Variants in SRGAP3 observed in about 807,000 individuals in gnomAD.
The protein encoded by SRGAP3 is SLIT-ROBO Rho GTPase-activating protein 3.
Under a neutral mutation model 121.1 loss-of-function variants are expected in SRGAP3, and 39 were observed. The observed-to-expected ratio is 0.32, with a 90% CI of 0.25 to 0.42. The LOEUF (loss-of-function observed/expected upper bound fraction) is 0.42, where lower values mean the gene tolerates loss of function less well. Among genes scored for constraint, SRGAP3 ranks in the 10% least tolerant of loss-of-function variants. The pLI is 1.00. For missense variants in SRGAP3, 1,213 were observed against 1,470.6 expected (o/e 0.82, Z 2.86); for synonymous variants, 601 against 570.0 (o/e 1.05, Z -0.77).
chr3:9,317,633 A>G (rs1171999706), intron 3 of SRGAP3, among the ~76,000 whole-genome samples: 1 of 152,244 alleles, frequency 6.6e-6, no homozygotes, highest in Non-Finnish European at 1.5e-5. Flanking sequence ...AGAAACTGAG[A>G]GTGTAAGAAG....
Position 9,336,789 on chromosome 3 carries a change from C to A in SRGAP3, n.215-6193G>T, listed in dbSNP as rs1005494200. Among the ~76,000 whole-genome samples the A allele has an allele frequency of 5.1e-4, 77 of 152,190 alleles. 1 individual carries two copies. The highest frequency in any genetic ancestry group is 1.5e-3 in the African/African-American group (63 of 41,526). ...TTACTTTAAACAGCCTTGAAGAAGA[C>A]AACAGAGAGTATGTTAGAGTTCTCC... On this transcript the variant is annotated intron_variant and non_coding_transcript_variant, in intron 1 of 3. Transcript: ENST00000490889.
chr3:9,301,625 CTG>C (rs1451991366), intron 3 of SRGAP3, among the ~76,000 whole-genome samples: 7 of 152,124 alleles, frequency 4.6e-5, no homozygotes, highest in African/African-American at 1.7e-4. Context: ...CTTTGGGAGC[CTG>C]TGTTTGTTGA....
chr3:9,037,613 T>G, intron 11 of SRGAP3: 1 of 234,564 alleles, frequency 4.3e-6, no homozygotes, highest in Admixed American at 5.1e-5. Context: ...GCGCGCAATC[T>G]GAGCCTGGCC....
chr3:9,027,148 C>T (rs532310362), intron 12 of SRGAP3, among the ~76,000 whole-genome samples, 153 bp from the exon 13 acceptor site: 28 of 152,158 alleles, frequency 1.8e-4, no homozygotes, highest in Non-Finnish European at 1.5e-4. Context: ...AAAGTCTCCA[C>T]GGACAGTTAC....
intron 1 of SRGAP3, among the ~76,000 whole-genome samples, chr3:9,156,752 TG>T (rs1950430237): frequency 6.6e-6 from 1 of 152,160 alleles, no homozygotes; most frequent in African/African-American, 2.4e-5. Context: ...AGAACTGCAC[TG>T]GCAGGGAAGC....
intron 1 of SRGAP3, among the ~76,000 whole-genome samples, chr3:9,360,456 G>A (rs2030737953): frequency 6.6e-6 from 1 of 152,212 alleles, no homozygotes; most frequent in Non-Finnish European, 1.5e-5. Flanking sequence ...GGTGAGTAAT[G>A]TGTTCTATGT....
chr3:9,313,221 T>C (rs1010926502), intron 3 of SRGAP3, among the ~76,000 whole-genome samples: 1 of 152,148 alleles, frequency 6.6e-6, no homozygotes, highest in Non-Finnish European at 1.5e-5. Context: ...CTGGAAAGCT[T>C]TCTCCCTCCC....
intron 1 of SRGAP3, among the ~76,000 whole-genome samples, chr3:9,175,382 T>C (rs1354171654): frequency 6.6e-6 from 1 of 152,190 alleles, no homozygotes; most frequent in African/African-American, 2.4e-5. Context: ...GTATCCCCAA[T>C]TCCTAGCACA....
chr3:9,270,831 G>A (rs1954460424), intron 3 of SRGAP3, among the ~76,000 whole-genome samples: 3 of 151,704 alleles, frequency 2.0e-5, no homozygotes, highest in African/African-American at 7.3e-5. Flanking sequence ...GTCAATTCCT[G>A]TTTATGCTTC....
intron 1 of SRGAP3, among the ~76,000 whole-genome samples, chr3:9,204,008 T>C (rs892575161): frequency 1.3e-5 from 2 of 152,014 alleles, no homozygotes; most frequent in African/African-American, 4.8e-5. Flanking sequence ...GAGAGGAGGA[T>C]GTAGATATTA....
intron 1 of SRGAP3, among the ~76,000 whole-genome samples, chr3:9,336,563 GA>G (rs1955697402): frequency 6.6e-6 from 1 of 151,994 alleles, no homozygotes; most frequent in African/African-American, 2.4e-5. Context: ...GAGGGAAGGA[GA>G]AAAAGAGAGC....
chr3:9,065,472 A>T (rs1946384955), intron 4 of SRGAP3: 1 of 152,214 alleles, frequency 6.6e-6, no homozygotes, highest in Non-Finnish European at 1.5e-5. Context: ...CACCAGAAAG[A>T]TCCCTCATGG....
chr3:9,300,920 G>A (rs568332995), intron 3 of SRGAP3, among the ~76,000 whole-genome samples: 1 of 152,160 alleles, frequency 6.6e-6, no homozygotes, highest in Non-Finnish European at 1.5e-5. Flanking sequence ...ATAATCACAT[G>A]CTGGGGAGGG....
intron 1 of SRGAP3, among the ~76,000 whole-genome samples, chr3:9,126,715 AAAT>A (rs1949247542): frequency 6.6e-6 from 1 of 152,172 alleles, no homozygotes; most frequent in African/African-American, 2.4e-5. Flanking sequence ...AGTGGGACCT[AAAT>A]AATGTGTGCA....
intron 1 of SRGAP3, among the ~76,000 whole-genome samples, chr3:9,186,394 G>A (rs1216514066): frequency 6.6e-6 from 1 of 152,182 alleles, no homozygotes; most frequent in East Asian, 1.9e-4. Flanking sequence ...TACATTGTCG[G>A]CTCCTTAAGA....
At chr3:9,083,816 C>T (rs962401962) in intron 3 of SRGAP3, among the ~76,000 whole-genome samples, 12 of 152,120 alleles carry the variant, frequency 7.9e-5, no homozygotes, top group Admixed American at 1.3e-4. Context: ...CTCCCTCACA[C>T]GCTCCTGACT....
intron 2 of SRGAP3, among the ~76,000 whole-genome samples, chr3:9,115,440 G>T (rs1444574212): frequency 6.6e-6 from 1 of 152,148 alleles, no homozygotes; most frequent in Non-Finnish European, 1.5e-5. Flanking sequence ...GCATATCAAA[G>T]TATATGCATG....
chr3:9,020,081 T>C (rs974643827), intron 14 of SRGAP3, among the ~76,000 whole-genome samples: 5 of 152,194 alleles, frequency 3.3e-5, no homozygotes, highest in Non-Finnish European at 5.9e-5. Flanking sequence ...ATACCACCAT[T>C]CTCTCCTGTG....
At chr3:9,111,376 A>T (rs1172239179) in intron 2 of SRGAP3, among the ~76,000 whole-genome samples, 2 of 152,232 alleles carry the variant, frequency 1.3e-5, no homozygotes, top group Non-Finnish European at 2.9e-5. Context: ...GGGGCTGGGC[A>T]GGTGGGCTGG....
Sources: allele counts gnomAD v4.1 joint callset (sites outside exome capture counted in the v4.1 genomes callset), GRCh38; gene constraint gnomAD v4.1.1; transcripts MANE v1.5; gene names NCBI Gene and HGNC (gene_info 2026-07-23, HGNC 2026-07-21).